CHCHD6: variants seen among roughly 807,000 people sequenced by gnomAD.
CHCHD6 encodes MICOS complex subunit MIC25.
CHCHD6 carries 28 observed loss-of-function variants against 32.3 expected under a neutral mutation model. That is an observed-to-expected ratio of 0.87 (90% CI 0.64 to 1.19). The LOEUF is 1.19. Among genes scored for constraint, CHCHD6 ranks in the 50% most tolerant of loss-of-function variants. CHCHD6 has a pLI of 0.00. For synonymous variants in CHCHD6, 122 were observed against 117.5 expected (o/e 1.04, Z -0.25); for missense variants, 333 against 307.0 (o/e 1.08, Z -0.63).
At chr3:126,788,889 C>T (rs1173092423) in intron 4 of CHCHD6, among the ~76,000 whole-genome samples, 4 of 152,074 alleles carry the variant, frequency 2.6e-5, no homozygotes, top group East Asian at 3.9e-4. Flanking sequence ...GCTCTTGCTT[C>T]TCTAGTTCTT....
intron 6 of CHCHD6, among the ~76,000 whole-genome samples, chr3:126,928,710 A>T (rs1460880646): frequency 6.6e-6 from 1 of 152,186 alleles, no homozygotes; most frequent in African/African-American, 2.4e-5. Flanking sequence ...ACTGAGCCAT[A>T]CTTTCTGAGA....
At chr3:126,870,805 T>C (rs935262957) in intron 5 of CHCHD6, among the ~76,000 whole-genome samples, 5 of 152,226 alleles carry the variant, frequency 3.3e-5, no homozygotes, top group Admixed American at 2.6e-4. Context: ...TGGACCGGGC[T>C]AGCTTCTGGG....
At chr3:126,765,169 C>G (rs536697655) in intron 4 of CHCHD6, among the ~76,000 whole-genome samples, 5 of 152,320 alleles carry the variant, frequency 3.3e-5, no homozygotes, top group Admixed American at 1.3e-4. Flanking sequence ...CAATATTTAA[C>G]TTTCCCATCT....
rs191794220 is a variant in CHCHD6 at position 126,841,342 on chromosome 3, G to A, written c.412-11305G>A. 8.5e-5 allele frequency among the ~76,000 whole-genome samples: 13 copies of A among 152,198 alleles called. No homozygotes were observed. In the East Asian group the frequency reaches 2.1e-3, roughly 25 times the overall value. On this transcript the variant is annotated intron_variant, in intron 4 of 7. Coordinates refer to ENST00000290913, the MANE Select transcript of CHCHD6 (RefSeq NM_032343.3). ...AGTCTTTGCTATTGTGAATAATGCC[G>A]CAAGAGAAGTTCTGACTTGACCACG...
At chr3:126,715,076 C>G (rs1934946656) in intron 1 of CHCHD6, among the ~76,000 whole-genome samples, 1 of 152,144 alleles carries the variant, frequency 6.6e-6, no homozygotes, top group Non-Finnish European at 1.5e-5. Flanking sequence ...TACGGATGCT[C>G]TGCCCGTCCA....
chr3:126,746,484 C>T (rs948618970), intron 4 of CHCHD6, among the ~76,000 whole-genome samples: 1 of 152,166 alleles, frequency 6.6e-6, no homozygotes, highest in African/African-American at 2.4e-5. Context: ...TCTCCCCTGG[C>T]AGCAGTGGCG....
chr3:126,744,592 G>A (rs1428426151), intron 4 of CHCHD6, among the ~76,000 whole-genome samples: 1 of 152,232 alleles, frequency 6.6e-6, no homozygotes, highest in African/African-American at 2.4e-5. Context: ...GTGGCTTAAA[G>A]TGGAAGTGTA....
intron 5 of CHCHD6, among the ~76,000 whole-genome samples, chr3:126,879,257 A>G (rs2077577624): frequency 6.6e-6 from 1 of 152,198 alleles, no homozygotes; most frequent in African/African-American, 2.4e-5. Context: ...ACAGTGGGGC[A>G]GGGTGGGATG....
At chr3:126,877,280 G>A (rs2077551171) in intron 5 of CHCHD6, among the ~76,000 whole-genome samples, 1 of 152,176 alleles carries the variant, frequency 6.6e-6, no homozygotes, top group African/African-American at 2.4e-5. Flanking sequence ...CAACGGCCGG[G>A]CGTGGTGGCT....
chr3:126,734,067 AC>A (rs1935931246), intron 4 of CHCHD6, among the ~76,000 whole-genome samples: 1 of 152,036 alleles, frequency 6.6e-6, no homozygotes, highest in Non-Finnish European at 1.5e-5. Flanking sequence ...GGCTGTGCCG[AC>A]CCTTGTGTCT....
chr3:126,801,892 C>T (rs1939095310), intron 4 of CHCHD6, among the ~76,000 whole-genome samples: 1 of 152,224 alleles, frequency 6.6e-6, no homozygotes, highest in African/African-American at 2.4e-5. Context: ...CAGACAGCAG[C>T]ATTCGCGGTT....
At chr3:126,844,473 T>C (rs1384884450) in intron 4 of CHCHD6, among the ~76,000 whole-genome samples, 1 of 152,226 alleles carries the variant, frequency 6.6e-6, no homozygotes, top group African/African-American at 2.4e-5. Flanking sequence ...TCTTTATATC[T>C]GGTCTTATTT....
chr3:126,804,777 T>C (rs1443902917), intron 4 of CHCHD6, among the ~76,000 whole-genome samples: 1 of 152,162 alleles, frequency 6.6e-6, no homozygotes, highest in Non-Finnish European at 1.5e-5. Context: ...ATATCCTTGA[T>C]GAACATTGAT....
intron 4 of CHCHD6, among the ~76,000 whole-genome samples, chr3:126,839,042 C>T (rs115534806): frequency 0.012 from 1,808 of 152,148 alleles, 19 homozygotes; most frequent in Middle Eastern, 0.048. Flanking sequence ...GCATGCACCA[C>T]TATGCCCAGC....
rs1013989303 is a variant in CHCHD6 at position 126,948,447 on chromosome 3, G to T, written c.567-8969G>T. On this transcript the variant is annotated intron_variant, in intron 6 of 7. Coordinates refer to ENST00000290913, the MANE Select transcript of CHCHD6 (RefSeq NM_032343.3). ...CATAGTGCCTCCTCCCTGTGTTGTG[G>T]TCTCTGTGTCTCCTCTCTTCTTCAC... 1.5e-4 allele frequency among the ~76,000 whole-genome samples: 23 copies of T among 152,306 alleles called. No homozygotes were observed. The East Asian group carries it at 4.4e-3, about 29-fold the overall frequency.
chr3:126,931,101 G>A (rs547270702), intron 6 of CHCHD6, among the ~76,000 whole-genome samples: 1 of 152,206 alleles, frequency 6.6e-6, no homozygotes, highest in Non-Finnish European at 1.5e-5. Flanking sequence ...GCAGGCCTTG[G>A]TGGAGCAGGG....
At chr3:126,812,144 C>T (rs1373322899) in intron 4 of CHCHD6, among the ~76,000 whole-genome samples, 1 of 150,620 alleles carries the variant, frequency 6.6e-6, no homozygotes. Context: ...TGGCTCTTTT[C>T]CAAGTTTCTC....
At chr3:126,834,597 C>T (rs904428779) in intron 4 of CHCHD6, among the ~76,000 whole-genome samples, 4 of 152,082 alleles carry the variant, frequency 2.6e-5, no homozygotes, top group African/African-American at 9.7e-5. Flanking sequence ...CTGTGGTCTC[C>T]GTCAAGCCAA....
At chr3:126,746,013 G>T (rs1275433760) in intron 4 of CHCHD6, among the ~76,000 whole-genome samples, 1 of 152,210 alleles carries the variant, frequency 6.6e-6, no homozygotes, top group Admixed American at 6.5e-5. Context: ...TCTTGGCGAG[G>T]CTTCTCTGGA....
Sources: gnomAD v4.1 joint callset for allele counts (sites outside exome capture counted in the v4.1 genomes callset) on GRCh38, gnomAD v4.1.1 for gene constraint, MANE v1.5 for transcripts, NCBI Gene and HGNC (gene_info 2026-07-23, HGNC 2026-07-21) for gene names.